PAFAH1B1: variants seen among roughly 807,000 people sequenced by gnomAD.
PAFAH1B1 encodes the protein platelet activating factor acetylhydrolase 1b regulatory subunit 1.
In PAFAH1B1, 2 loss-of-function variants were observed where a neutral mutation model predicts 57.5. The observed-to-expected ratio is 0.03, with a 90% confidence interval of 0.01 to 0.11. The LOEUF (loss-of-function observed/expected upper bound fraction) is 0.11, where lower values mean the gene tolerates loss of function less well. Ranked by LOEUF, PAFAH1B1 falls within the 10% of genes least tolerant of loss-of-function variation. PAFAH1B1 has a pLI of 1.00. For synonymous variants in PAFAH1B1, 152 were observed against 169.6 expected, an observed-to-expected ratio of 0.90 and a Z score of 0.81; for missense variants, 257 against 512.0, an observed-to-expected ratio of 0.50 and a Z score of 4.81.
At chr17:2,666,729 A>G (rs1404082382) in intron 4 of PAFAH1B1, among the ~76,000 whole-genome samples, 1 of 152,214 alleles carries the variant, frequency 6.6e-6, no homozygotes, top group Non-Finnish European at 1.5e-5. Context: ...GTCACCAGAT[A>G]CAAATCGAAA....
intron 2 of PAFAH1B1, among the ~76,000 whole-genome samples, chr17:2,663,971 G>A (rs1265477925): frequency 6.6e-6 from 1 of 152,012 alleles, no homozygotes; most frequent in Admixed American, 6.6e-5. Context: ...GAGATTACAG[G>A]CGTGAGCCAC....
At chr17:2,677,355 T>C (rs1233849916) in intron 9 of PAFAH1B1, among the ~76,000 whole-genome samples, 1 of 152,234 alleles carries the variant, frequency 6.6e-6, no homozygotes, top group Non-Finnish European at 1.5e-5. Flanking sequence ...GAAAGATATG[T>C]CAATACTAGT....
chr17:2,593,701 G>A lies in PAFAH1B1; in HGVS notation c.-496G>A, dbSNP rs1383245362. 5 of 331,798 alleles carry A rather than the reference G, an allele frequency of 1.5e-5. No individual in the cohort carries two copies. Among genetic ancestry groups the A allele is most frequent in the Non-Finnish European group, 2.7e-5 (5 of 185,212 alleles). The allele number at this position is 331,798 out of a possible 1,614,324, so 20.6% of individuals were successfully genotyped here. ...CGGCGGCGGAGTCCGGCGGCCGGGA[G>A]AGCGAGTGAGCGAGCGGAGGAGCAG... On this transcript the variant is annotated 5_prime_UTR_variant, in exon 1 of 11. Coordinates refer to ENST00000397195, the MANE Select transcript of PAFAH1B1 (RefSeq NM_000430.4).
chr17:2,646,624 C>T (rs1274876975), intron 2 of PAFAH1B1, among the ~76,000 whole-genome samples: 1 of 151,944 alleles, frequency 6.6e-6, no homozygotes, highest in Non-Finnish European at 1.5e-5. Context: ...CCAGCCTGGG[C>T]AACAGAGTGA....
intron 1 of PAFAH1B1, among the ~76,000 whole-genome samples, chr17:2,606,047 G>T (rs2068201376): frequency 6.6e-6 from 1 of 152,170 alleles, no homozygotes; most frequent in African/African-American, 2.4e-5. Context: ...TACAAAGCTA[G>T]ACAAGCCCTT....
At chr17:2,675,305 A>C (rs1344461817) in intron 8 of PAFAH1B1, among the ~76,000 whole-genome samples, 1 of 152,182 alleles carries the variant, frequency 6.6e-6, no homozygotes. Flanking sequence ...GCCTGGCTTC[A>C]CATTGATTTT....
At chr17:2,652,818 T>A (rs940470110) in intron 2 of PAFAH1B1, among the ~76,000 whole-genome samples, 1 of 152,206 alleles carries the variant, frequency 6.6e-6, no homozygotes, top group Non-Finnish European at 1.5e-5. Flanking sequence ...GCACTGTTGG[T>A]GGGACTGTAA....
chr17:2,619,172 C>T (rs2068386938), intron 1 of PAFAH1B1, among the ~76,000 whole-genome samples: 1 of 151,864 alleles, frequency 6.6e-6, no homozygotes, highest in African/African-American at 2.4e-5. Context: ...ATTTTTGAGA[C>T]AGGGTCTCAC....
At chr17:2,649,953 A>G (rs1446349773) in intron 2 of PAFAH1B1, among the ~76,000 whole-genome samples, 1 of 152,218 alleles carries the variant, frequency 6.6e-6, no homozygotes, top group East Asian at 1.9e-4. Flanking sequence ...TTGAACACAT[A>G]CAGAATAACA....
At chr17:2,656,952 C>T (rs564877000) in intron 2 of PAFAH1B1, among the ~76,000 whole-genome samples, 54 of 152,112 alleles carry the variant, frequency 3.6e-4, no homozygotes, top group African/African-American at 1.2e-3. Context: ...GACAGAGTCT[C>T]GCTCTGTAGC....
Position 2,676,836 on chromosome 17 carries a change from A to G in PAFAH1B1, c.1002+230A>G, listed in dbSNP as rs546582040. 1.1e-3 allele frequency among the ~76,000 whole-genome samples: 163 copies of G among 152,234 alleles called. 1 individual carries two copies. The highest frequency in any genetic ancestry group is 3.5e-3 in the African/African-American group (146 of 41,528). On this transcript the variant is annotated intron_variant, in intron 9 of 10. Transcript: ENST00000397195. ...TAGAGCCAGTCGGTGTTTGAGGGGG[A>G]GATGCTGCTAGCTCACTGTATCTTT...
At chr17:2,600,189 A>C (rs2068125566) in intron 1 of PAFAH1B1, among the ~76,000 whole-genome samples, 1 of 151,700 alleles carries the variant, frequency 6.6e-6, no homozygotes, top group Non-Finnish European at 1.5e-5. Flanking sequence ...CAAGTGATCC[A>C]CCCGAGTTGG....
chr17:2,645,178 T>C (rs1199275911), intron 2 of PAFAH1B1, among the ~76,000 whole-genome samples: 2 of 152,076 alleles, frequency 1.3e-5, no homozygotes, highest in East Asian at 3.9e-4. Context: ...CCTTGGGAGA[T>C]TGAGGCTGCA....
intron 9 of PAFAH1B1, among the ~76,000 whole-genome samples, chr17:2,677,779 G>A (rs1301763980): frequency 2.0e-5 from 3 of 151,878 alleles, no homozygotes; most frequent in African/African-American, 4.8e-5. Context: ...GCGTGAACCC[G>A]GGAGGCGGAG....
chr17:2,669,624 A>G (rs2069153619), intron 5 of PAFAH1B1, among the ~76,000 whole-genome samples: 1 of 152,126 alleles, frequency 6.6e-6, no homozygotes, highest in Non-Finnish European at 1.5e-5. Context: ...AACAGTTAAC[A>G]TCTTCTGAAA....
At chr17:2,670,535 C>T (rs1324279836) in intron 6 of PAFAH1B1, among the ~76,000 whole-genome samples, 2 of 152,154 alleles carry the variant, frequency 1.3e-5, no homozygotes, top group Non-Finnish European at 2.9e-5. Flanking sequence ...TCTTTTAGTA[C>T]TTTACATAAA....
intron 2 of PAFAH1B1, among the ~76,000 whole-genome samples, chr17:2,664,847 AC>A (rs1312007537): frequency 6.6e-6 from 1 of 152,198 alleles, no homozygotes; most frequent in Non-Finnish European, 1.5e-5. Context: ...CTACGACAGT[AC>A]ACTAAGTTTA....
intron 1 of PAFAH1B1, among the ~76,000 whole-genome samples, chr17:2,629,728 G>A (rs559338378): frequency 6.6e-6 from 1 of 152,070 alleles, no homozygotes; most frequent in Non-Finnish European, 1.5e-5. Flanking sequence ...TCATTTCTTA[G>A]GTCTATTAGT....
At chr17:2,637,318 T>C (rs1279547673) in intron 1 of PAFAH1B1, among the ~76,000 whole-genome samples, 1 of 152,110 alleles carries the variant, frequency 6.6e-6, no homozygotes, top group African/African-American at 2.4e-5. Flanking sequence ...GTACATTGGT[T>C]AAGAGAGCAT....
Sources: allele counts gnomAD v4.1 joint callset (sites outside exome capture counted in the v4.1 genomes callset), GRCh38; gene constraint gnomAD v4.1.1; transcripts MANE v1.5; gene names NCBI Gene and HGNC (gene_info 2026-07-23, HGNC 2026-07-21).